CTNNA3: variants seen among roughly 807,000 people sequenced by gnomAD.
CTNNA3 encodes catenin alpha-3.
CTNNA3 carries 76 observed loss-of-function variants against 95.7 expected under a neutral mutation model. The ratio of observed to expected loss-of-function variants is 0.79; its 90% confidence interval spans 0.66 to 0.96. The LOEUF (loss-of-function observed/expected upper bound fraction) is 0.96. CTNNA3 is among the 40% of genes least tolerant of loss of function. CTNNA3 has a pLI of 0.00. For synonymous variants in CTNNA3, 431 were observed against 374.4 expected (o/e 1.15, Z -1.74); for missense variants, 1,191 against 1,089.8 (o/e 1.09, Z -1.31).
chr10:67,253,761 G>A (rs1314447374), intron 5 of CTNNA3, among the ~76,000 whole-genome samples: 1 of 152,120 alleles, frequency 6.6e-6, no homozygotes, highest in Non-Finnish European at 1.5e-5. Context: ...GAAAAACGAT[G>A]GTGATGATGA....
At chr10:66,932,558 C>A (rs1302474217) in intron 7 of CTNNA3, among the ~76,000 whole-genome samples, 1 of 152,026 alleles carries the variant, frequency 6.6e-6, no homozygotes, top group Non-Finnish European at 1.5e-5. Context: ...TAGCTACCTA[C>A]ACTAAAAATC....
At chr10:66,088,584 C>T (rs2081084161) in intron 14 of CTNNA3, among the ~76,000 whole-genome samples, 1 of 150,404 alleles carries the variant, frequency 6.6e-6, no homozygotes. Context: ...TCTGGGCAAA[C>T]ATTCTAGAAG....
In CTNNA3 at chr10:65,966,756, A is replaced by G; in HGVS notation, c.2266-10T>C. 6.3e-7 allele frequency: 1 copy of G among 1,592,474 alleles called. No individual in the cohort carries two copies. The highest frequency in any genetic ancestry group is 1.3e-5 in the African/African-American group (1 of 74,514). On this transcript the variant is annotated splice_polypyrimidine_tract_variant and intron_variant, in intron 16 of 17. Transcript: ENST00000433211. ...AAGATGGATCTGGGCACTAAATATGAATCAAAGATAAAAATAGATACAGCA... is the reference window on the plus strand; with the variant it reads ...AAGATGGATCTGGGCACTAAATATGGATCAAAGATAAAAATAGATACAGCA...
intron 10 of CTNNA3, among the ~76,000 whole-genome samples, chr10:66,528,754 A>G (rs1036501150): frequency 3.3e-5 from 5 of 152,128 alleles, no homozygotes; most frequent in African/African-American, 1.2e-4. Flanking sequence ...TCCTAATTAT[A>G]TGTGCTCTCC....
At chr10:66,197,664 A>G (rs2131902456) in intron 13 of CTNNA3, among the ~76,000 whole-genome samples, 1 of 152,330 alleles carries the variant, frequency 6.6e-6, no homozygotes, top group African/African-American at 2.4e-5. Context: ...GGCCAGTGAA[A>G]GCCAAGAAGA....
chr10:66,520,662 C>A lies in CTNNA3; in HGVS notation c.1486G>T (p.Ala496Ser). The change falls in exon 11 of 18, where the codon GCC becomes TCC. Residue 496 changes from alanine to serine, a missense_variant. Physicochemically the swap from Ala to Ser is moderately conservative, Grantham distance 99 (BLOSUM62 1). Coordinates refer to ENST00000433211, the MANE Select transcript of CTNNA3 (RefSeq NM_013266.4). ...WENHIHVLTE[A>S]VDDITSIDDF... ...TCAATGCTTGTAATGTCATCTACGG[C>A]TTCAGTGAGGACATGTATATGATTC... The A allele has an allele frequency of 6.2e-7, 1 of 1,610,286 alleles. No individual in the cohort carries two copies. Among genetic ancestry groups the A allele is most frequent in the Non-Finnish European group, 8.5e-7 (1 of 1,177,884 alleles).
At chr10:66,843,902 C>A (rs980224590) in intron 7 of CTNNA3, among the ~76,000 whole-genome samples, 1 of 152,136 alleles carries the variant, frequency 6.6e-6, no homozygotes, top group Admixed American at 6.5e-5. Context: ...TATTCACTAA[C>A]GGAAGATGAA....
chr10:66,685,315 G>GTA (rs1564617357), intron 9 of CTNNA3, among the ~76,000 whole-genome samples: 6 of 29,076 alleles, frequency 2.1e-4, no homozygotes, highest in Admixed American at 4.7e-4. Context: ...ATATGTGTGT[G>GTA]TGTATGTGTG....
In CTNNA3 at chr10:66,845,780, CAT is replaced by C. The variant is rs1464894848; in HGVS notation, c.1048-70258_1048-70257del. Among the ~76,000 whole-genome samples, 576 of 130,838 alleles carry C rather than the reference CAT, an allele frequency of 4.4e-3. 3 individuals carry two copies. The highest frequency in any genetic ancestry group is 0.015 in the African/African-American group (504 of 33,390). 85.8% of individuals were successfully genotyped at this position (130,838 alleles called of 152,430 possible). A position where few individuals can be genotyped will look rare whatever the true frequency, so the allele number is the denominator to read the frequency against. On this transcript the variant is annotated intron_variant, in intron 7 of 17. Transcript: ENST00000433211. ...ACACACACACACACACACACACACA[CAT>C]ATATATGTATGTATATAGGTGTACA... is the stretch of plus-strand genomic sequence containing the variant.
chr10:66,977,143 A>T (rs542806332), intron 7 of CTNNA3, among the ~76,000 whole-genome samples: 1 of 152,114 alleles, frequency 6.6e-6, no homozygotes, highest in Non-Finnish European at 1.5e-5. Context: ...TAATGGGTAG[A>T]ATATATAAAG....
At chr10:66,959,999 T>C (rs977728923) in intron 7 of CTNNA3, among the ~76,000 whole-genome samples, 1 of 152,120 alleles carries the variant, frequency 6.6e-6, no homozygotes, top group African/African-American at 2.4e-5. Context: ...ACTGAGTTTA[T>C]AATTGTTTCC....
chr10:66,693,143 C>G lies in CTNNA3; in HGVS notation c.1282-71359G>C, dbSNP rs188825967. On this transcript the variant is annotated intron_variant, in intron 9 of 17. Transcript: ENST00000433211. ...ACTTTAAATGTAAATGGACTAGATGCTCCAATTAAAAGACACAGACTGGCA... is the reference window on the plus strand; with the variant it reads ...ACTTTAAATGTAAATGGACTAGATGGTCCAATTAAAAGACACAGACTGGCA... Among the ~76,000 whole-genome samples, 1,116 of 152,234 alleles carry G rather than the reference C, an allele frequency of 7.3e-3. 11 individuals carry two copies. The highest frequency in any genetic ancestry group is 0.025 in the African/African-American group (1,059 of 41,540).
chr10:66,347,164 AT>A (rs2092528769), intron 12 of CTNNA3, among the ~76,000 whole-genome samples: 1 of 152,234 alleles, frequency 6.6e-6, no homozygotes, highest in South Asian at 2.1e-4. Flanking sequence ...GTAGAAAAAA[AT>A]ATACATGTCA....
intron 5 of CTNNA3, among the ~76,000 whole-genome samples, chr10:67,378,651 C>A (rs1407737911): frequency 6.6e-6 from 1 of 152,184 alleles, no homozygotes; most frequent in Non-Finnish European, 1.5e-5. Context: ...TTAGAACATG[C>A]AGTTTTTAAC....
intron 5 of CTNNA3, among the ~76,000 whole-genome samples, chr10:67,453,965 CTTTAT>C (rs1417535583): frequency 1.3e-5 from 2 of 152,074 alleles, no homozygotes; most frequent in Non-Finnish European, 2.9e-5. Context: ...TTTTTATTCA[CTTTAT>C]TTTATTTTAT....
chr10:66,098,318 T>C (rs1487965079), intron 14 of CTNNA3, among the ~76,000 whole-genome samples: 3 of 152,152 alleles, frequency 2.0e-5, no homozygotes, highest in African/African-American at 7.2e-5. Flanking sequence ...AAAGAGAACA[T>C]GTTTGAGGCC....
chr10:67,511,708 A>C (rs1839634987), intron 5 of CTNNA3, among the ~76,000 whole-genome samples: 2 of 152,206 alleles, frequency 1.3e-5, no homozygotes, highest in African/African-American at 4.8e-5. Flanking sequence ...TGCTGGCCTC[A>C]CAAAATGAGT....
At chr10:67,735,693 A>G (rs1456450587) in intron 1 of CTNNA3, among the ~76,000 whole-genome samples, 2 of 152,170 alleles carry the variant, frequency 1.3e-5, no homozygotes, top group South Asian at 4.1e-4. Context: ...ACCCTCATAT[A>G]TTGCTTGAGG....
chr10:66,574,074 G>C (rs1253875136), intron 10 of CTNNA3, among the ~76,000 whole-genome samples: 1 of 152,028 alleles, frequency 6.6e-6, no homozygotes, highest in African/African-American at 2.4e-5. Context: ...TGTCATGTCT[G>C]CTTACAAGAC....
Sources: gnomAD v4.1 joint callset for allele counts (sites outside exome capture counted in the v4.1 genomes callset) on GRCh38, gnomAD v4.1.1 for gene constraint, MANE v1.5 for transcripts, NCBI Gene and HGNC (gene_info 2026-07-23, HGNC 2026-07-21) for gene names.